Variants in OSBPL3 observed in about 807,000 individuals in gnomAD.
OSBPL3 encodes oxysterol binding protein like 3.
In OSBPL3, 65 loss-of-function variants were observed where a neutral mutation model predicts 120.1. The ratio of observed to expected loss-of-function variants is 0.54; its 90% CI spans 0.44 to 0.67. OSBPL3 has a LOEUF of 0.67. Among genes scored for constraint, OSBPL3 ranks in the 30% least tolerant of loss-of-function variants. The pLI is 0.00. For synonymous variants in OSBPL3, 416 were observed against 402.6 expected (o/e 1.03, Z -0.40); for missense variants, 1,004 against 1,082.1 (o/e 0.93, Z 1.01).
At chr7:24,897,453 G>A (rs112491588) in intron 1 of OSBPL3, among the ~76,000 whole-genome samples, 1 of 150,460 alleles carries the variant, frequency 6.6e-6, no homozygotes, top group African/African-American at 2.5e-5. Flanking sequence ...AGCCTCCCGA[G>A]TAGCTGGGAC....
chr7:24,971,206 G>T (rs1472840155), intron 1 of OSBPL3, among the ~76,000 whole-genome samples: 1 of 152,234 alleles, frequency 6.6e-6, no homozygotes, highest in Non-Finnish European at 1.5e-5. Flanking sequence ...GGCAATAGAG[G>T]CCGAAAGACC....
At chr7:24,850,545 A>G (rs574685942) in intron 11 of OSBPL3, among the ~76,000 whole-genome samples, 112 of 152,296 alleles carry the variant, frequency 7.4e-4, no homozygotes, top group African/African-American at 2.6e-3. Flanking sequence ...TGGATCTCCA[A>G]CAGGGATGCT....
intron 10 of OSBPL3, among the ~76,000 whole-genome samples, chr7:24,860,666 T>C (rs1800400377): frequency 6.6e-6 from 1 of 152,198 alleles, no homozygotes; most frequent in Non-Finnish European, 1.5e-5. Context: ...AATGGAGTAA[T>C]ACACCTATAC....
chr7:24,903,410 A>G lies in OSBPL3; in HGVS notation c.-149-10789T>C, dbSNP rs112346512. Among the ~76,000 whole-genome samples, 312 of 152,354 alleles carry G rather than the reference A, an allele frequency of 2.0e-3. 1 individual carries two copies. Among genetic ancestry groups the G allele is most frequent in the African/African-American group, 7.0e-3 (289 of 41,582 alleles). ...GCTTACTACTAGCCTTTTGAAGTTCACCGATAGACAATTCAAAGCTGATAG... is the reference window on the plus strand; with the variant it reads ...GCTTACTACTAGCCTTTTGAAGTTCGCCGATAGACAATTCAAAGCTGATAG... On this transcript the variant is annotated intron_variant, in intron 1 of 22. Coordinates refer to ENST00000313367, the MANE Select transcript of OSBPL3 (RefSeq NM_015550.4).
Position 24,979,963 on chromosome 7 carries a change from G to C in OSBPL3, c.-227C>G. The C allele has an allele frequency of 4.1e-6, 4 of 983,664 alleles. No homozygotes were observed. In the South Asian group the frequency reaches 1.9e-4, roughly 46 times the overall value. 60.9% of individuals were successfully genotyped at this position (983,664 alleles called of 1,614,324 possible). Reference sequence around the variant, plus strand: ...GGGTTAGCGCACAGAACCGGGAGAAGGCAACCCCGGCTTCTCCGGTACCCC... The same window carrying C: ...GGGTTAGCGCACAGAACCGGGAGAACGCAACCCCGGCTTCTCCGGTACCCC... On this transcript the variant is annotated 5_prime_UTR_variant, in exon 1 of 23. Transcript: ENST00000313367.
At position 24,854,029 on chromosome 7, in the gene OSBPL3, G is replaced by A. The variant is rs1481389793; in HGVS notation, c.1028-1395C>T. ...GGGCTTAGCCACTATGGCCTCCAAT[G>A]CCTGAACTGAAGTTTTAAAAAACAT... On this transcript the variant is annotated intron_variant, in intron 10 of 22. Transcript: ENST00000313367. The surrounding 1 kb of genome is among the most constrained non-coding windows in gnomAD (Gnocchi z 4.1). 6.6e-6 allele frequency among the ~76,000 whole-genome samples: 1 copy of A among 152,042 alleles called. No individual in the cohort carries two copies. Among genetic ancestry groups the A allele is most frequent in the Non-Finnish European group, 1.5e-5 (1 of 68,010 alleles).
intron 1 of OSBPL3, among the ~76,000 whole-genome samples, chr7:24,961,766 T>C (rs1385988200): frequency 6.6e-6 from 1 of 152,206 alleles, no homozygotes; most frequent in Non-Finnish European, 1.5e-5. Context: ...CACCAAGGAC[T>C]GGCAGTCAGC....
At chr7:24,976,501 G>A (rs949379662) in intron 1 of OSBPL3, among the ~76,000 whole-genome samples, 3 of 151,816 alleles carry the variant, frequency 2.0e-5, no homozygotes, top group African/African-American at 4.8e-5. Flanking sequence ...CAAGAGTTAG[G>A]GTGAGCCTGA....
rs1198279933 is a variant in OSBPL3, at chr7:24,872,446, AGAGTGTGTGTGTGTGTGT to A, written c.97-395_97-378del. Among the ~76,000 whole-genome samples, 2 of 83,390 alleles carry A rather than the reference AGAGTGTGTGTGTGTGTGT, an allele frequency of 2.4e-5. No homozygotes were observed. Among genetic ancestry groups the A allele is most frequent in the African/African-American group, 8.9e-5 (2 of 22,382 alleles). 54.7% of individuals were successfully genotyped at this position (83,390 alleles called of 152,430 possible). On this transcript the variant is annotated intron_variant, in intron 2 of 22. Coordinates refer to ENST00000313367, the MANE Select transcript of OSBPL3 (RefSeq NM_015550.4). This position sits in a 1 kb window ranked among gnomAD's most constrained non-coding sequence, Gnocchi z 4.1. ...CTTCAGTCTGAATTTTAACCGAAAG[AGAGTGTGTGTGTGTGTGT>A]GTGTGTGTGTGTGTGTGTGTGTGGT...
rs1813739049 is a variant in OSBPL3 at position 24,946,420 on chromosome 7, T to C, written c.-150+33466A>G. On this transcript the variant is annotated intron_variant, in intron 1 of 22. Coordinates refer to ENST00000313367, the MANE Select transcript of OSBPL3 (RefSeq NM_015550.4). This position sits in a 1 kb window ranked among gnomAD's most constrained non-coding sequence, Gnocchi z 4.3. ...CCTCACCTATCAATGAAAGAACTTC[T>C]GGTCAGTTTTTAAAACTTCCACAGT... is the stretch of plus-strand genomic sequence containing the variant. Among the ~76,000 whole-genome samples, 1 of 152,192 alleles carries C rather than the reference T, an allele frequency of 6.6e-6. No homozygotes were observed.
chr7:24,930,511 T>A lies in OSBPL3; in HGVS notation c.-149-37890A>T, dbSNP rs1417803910. ...GACACAGGTTTCAGTGGGAGGTCTA[T>A]TTCAATAGGAATGGGGGACACTGAG... On this transcript the variant is annotated intron_variant, in intron 1 of 22. Transcript: ENST00000313367. This position sits in a 1 kb window ranked among gnomAD's most constrained non-coding sequence, Gnocchi z 4.4. Among the ~76,000 whole-genome samples, 1 of 152,162 alleles carries A rather than the reference T, an allele frequency of 6.6e-6. No individual in the cohort carries two copies. The highest frequency in any genetic ancestry group is 6.5e-5 in the Admixed American group (1 of 15,280).
chr7:24,850,309 C>T (rs1038265856), intron 11 of OSBPL3, among the ~76,000 whole-genome samples: 1 of 152,190 alleles, frequency 6.6e-6, no homozygotes, highest in Non-Finnish European at 1.5e-5. Context: ...CACTTCATGA[C>T]CAACTCTTCT....
intron 1 of OSBPL3, among the ~76,000 whole-genome samples, chr7:24,909,907 C>A (rs1808578302): frequency 6.8e-6 from 1 of 147,944 alleles, no homozygotes; most frequent in African/African-American, 2.5e-5. Context: ...CAGGTTCAAG[C>A]AATTCTTCTG....
chr7:24,946,227 A>G lies in OSBPL3; in HGVS notation c.-150+33659T>C, dbSNP rs1403072075. ...AGAATCTCAGAGTAGCCATACTTCT[A>G]CTTGGCAGTTAGCATGGTCAGAGCT... On this transcript the variant is annotated intron_variant, in intron 1 of 22. Coordinates refer to ENST00000313367, the MANE Select transcript of OSBPL3 (RefSeq NM_015550.4). This position sits in a 1 kb window ranked among gnomAD's most constrained non-coding sequence, Gnocchi z 4.3. 6.6e-6 allele frequency among the ~76,000 whole-genome samples: 1 copy of G among 152,178 alleles called. No individual in the cohort carries two copies. The highest frequency in any genetic ancestry group is 6.5e-5 in the Admixed American group (1 of 15,278).
Position 24,898,733 on chromosome 7 carries a change from AAAC to A in OSBPL3, c.-149-6115_-149-6113del, listed in dbSNP as rs1442514865. Among the ~76,000 whole-genome samples the A allele has an allele frequency of 1.3e-5, 2 of 152,204 alleles. No individual in the cohort carries two copies. Among genetic ancestry groups the A allele is most frequent in the Non-Finnish European group, 2.9e-5 (2 of 68,038 alleles). ...TTTATTTGTCATCACTGAGTAAACA[AAAC>A]AACAAGCGCAATAACACCAGTCATT... On this transcript the variant is annotated intron_variant, in intron 1 of 22. Coordinates refer to ENST00000313367, the MANE Select transcript of OSBPL3 (RefSeq NM_015550.4). The surrounding 1 kb of genome is among the most constrained non-coding windows in gnomAD (Gnocchi z 4.3).
At position 24,824,809 on chromosome 7, in the gene OSBPL3, G is replaced by C. The variant is rs866081623; in HGVS notation, c.1885-4571C>G. ...TGTGGGGACAGTGAGTAGGAGTGCT[G>C]GTCAGACAGGGTGGTGGGGCAGGAC... On this transcript the variant is annotated intron_variant, in intron 16 of 22. Transcript: ENST00000313367. The surrounding 1 kb of genome is among the most constrained non-coding windows in gnomAD (Gnocchi z 4.9). Among the ~76,000 whole-genome samples, 5 of 152,172 alleles carry C rather than the reference G, an allele frequency of 3.3e-5. No homozygotes were observed. The highest frequency in any genetic ancestry group is 1.3e-4 in the Admixed American group (2 of 15,272).
intron 1 of OSBPL3, among the ~76,000 whole-genome samples, chr7:24,897,175 T>C (rs2128360898): frequency 6.6e-6 from 1 of 152,056 alleles, no homozygotes; most frequent in East Asian, 1.9e-4. Context: ...GAGGATACAG[T>C]GTCTGGCTTT....
intron 1 of OSBPL3, among the ~76,000 whole-genome samples, chr7:24,935,426 C>A (rs1198345374): frequency 6.6e-6 from 1 of 151,942 alleles, no homozygotes; most frequent in Non-Finnish European, 1.5e-5. Flanking sequence ...GTATATATTT[C>A]CATAAAATGT....
chr7:24,980,366 T>G (rs977508008), upstream of OSBPL3, among the ~76,000 whole-genome samples: 9 of 151,382 alleles, frequency 5.9e-5, no homozygotes, highest in African/African-American at 1.7e-4. Flanking sequence ...AGCCAGCGGA[T>G]TCCATGACGC....
Sources: allele counts gnomAD v4.1 joint callset (sites outside exome capture counted in the v4.1 genomes callset), GRCh38; gene constraint gnomAD v4.1.1; non-coding constraint Gnocchi (gnomAD v3.1); transcripts MANE v1.5; gene names NCBI Gene and HGNC (gene_info 2026-07-23, HGNC 2026-07-21).